NAALADL2: variants seen among roughly 807,000 people sequenced by gnomAD.
NAALADL2 encodes inactive N-acetylated-alpha-linked acidic dipeptidase-like protein 2.
Under a neutral mutation model 87.2 loss-of-function variants are expected in NAALADL2, and 76 were observed. The ratio of observed to expected loss-of-function variants is 0.87; its 90% CI spans 0.72 to 1.05. The LOEUF (loss-of-function observed/expected upper bound fraction) is 1.05, where lower values mean the gene tolerates loss of function less well. Ranked by LOEUF, NAALADL2 falls within the 50% of genes least tolerant of loss-of-function variation. The pLI is 0.00. For missense variants in NAALADL2, 1,089 were observed against 945.8 expected (o/e 1.15, Z -1.99); for synonymous variants, 354 against 331.0 (o/e 1.07, Z -0.75).
chr3:175,134,485 C>T (rs936158531), intron 2 of NAALADL2, among the ~76,000 whole-genome samples: 1 of 152,138 alleles, frequency 6.6e-6, no homozygotes. Flanking sequence ...AAAACAGCTG[C>T]AATGTATTGA....
chr3:175,575,563 G>T (rs1021756237), intron 9 of NAALADL2, among the ~76,000 whole-genome samples: 6 of 151,982 alleles, frequency 3.9e-5, no homozygotes, highest in African/African-American at 1.5e-4. Context: ...GGGATTACAG[G>T]GGTGAGCCAC....
chr3:175,238,377 G>C (rs1442979245), intron 3 of NAALADL2, among the ~76,000 whole-genome samples: 1 of 152,008 alleles, frequency 6.6e-6, no homozygotes. Flanking sequence ...AAATATTAGG[G>C]CTAAACAAAA....
In NAALADL2 at chr3:175,701,423, C is replaced by T. The variant is rs552926871; in HGVS notation, c.1897-35883C>T. 1.4e-4 allele frequency among the ~76,000 whole-genome samples: 22 copies of T among 152,180 alleles called. No homozygotes were observed. In the East Asian group the frequency reaches 1.7e-3, roughly 12 times the overall value. On this transcript the variant is annotated intron_variant, in intron 11 of 13. Coordinates refer to ENST00000454872, the MANE Select transcript of NAALADL2 (RefSeq NM_207015.3). ...CTACTTTTATATGGGATCTGGCCAT[C>T]GTCAATTTGTATATTCAGTGTCTCA...
intron 1 of NAALADL2, among the ~76,000 whole-genome samples, chr3:175,061,554 C>A (rs1713488457): frequency 6.6e-6 from 1 of 151,842 alleles, no homozygotes; most frequent in African/African-American, 2.4e-5. Context: ...CTAGATTGTT[C>A]CATGGATGGG....
At chr3:175,376,955 T>A (rs1204071027) in intron 5 of NAALADL2, among the ~76,000 whole-genome samples, 1 of 152,098 alleles carries the variant, frequency 6.6e-6, no homozygotes, top group Non-Finnish European at 1.5e-5. Flanking sequence ...TTTAGGAGGT[T>A]CATTTGATAT....
chr3:175,730,429 T>TATATAGATATATATATATATATAG (rs1743564654), intron 11 of NAALADL2, among the ~76,000 whole-genome samples: 6 of 87,862 alleles, frequency 6.8e-5, no homozygotes. Flanking sequence ...TATATATATA[T>TATATAGATATATATATATATATAG]ATATATATAT....
Position 175,737,373 on chromosome 3 carries a change from CT to C in NAALADL2, c.1967del (p.Leu656Ter). On this transcript the variant is annotated frameshift_variant, in exon 12 of 14. Coordinates refer to ENST00000454872, the MANE Select transcript of NAALADL2 (RefSeq NM_207015.3). LOFTEE classifies it high-confidence loss of function. ...PVLPFNALDI[A>X]LEVQNNLKGD... Reference sequence around the variant, plus strand: ...CTGCCCTTTAATGCACTTGATATAGCTTTAGAAGTTCAAAACAACCTTAAAG... The same window carrying C: ...CTGCCCTTTAATGCACTTGATATAGCTTAGAAGTTCAAAACAACCTTAAAG... 1 of 1,607,016 alleles carries C rather than the reference CT, an allele frequency of 6.2e-7. No individual in the cohort carries two copies. Among genetic ancestry groups the C allele is most frequent in the Admixed American group, 1.7e-5 (1 of 59,834 alleles).
chr3:175,653,586 G>A (rs558278117), intron 11 of NAALADL2, among the ~76,000 whole-genome samples: 3 of 152,084 alleles, frequency 2.0e-5, no homozygotes, highest in Non-Finnish European at 2.9e-5. Context: ...CCACCTTTTC[G>A]TTTGCCATAT....
intron 13 of NAALADL2, among the ~76,000 whole-genome samples, chr3:175,788,088 GTTTT>G (rs1004422588): frequency 7.7e-5 from 8 of 104,246 alleles, no homozygotes; most frequent in African/African-American, 1.1e-4. Context: ...TTTTTTACCT[GTTTT>G]TTTTTTTTTT....
At chr3:175,592,709 A>G (rs1721687235) in intron 10 of NAALADL2, among the ~76,000 whole-genome samples, 1 of 124,500 alleles carries the variant, frequency 8.0e-6, no homozygotes, top group African/African-American at 3.1e-5. Context: ...TGGACACAGG[A>G]GGGGGAACAT....
intron 2 of NAALADL2, among the ~76,000 whole-genome samples, chr3:175,140,750 A>G (rs1236311570): frequency 6.6e-6 from 1 of 152,160 alleles, no homozygotes; most frequent in Non-Finnish European, 1.5e-5. Flanking sequence ...CCATGTAAAG[A>G]GGTTTGGACT....
At chr3:174,911,479 G>C (rs1197060010) in intron 1 of NAALADL2, among the ~76,000 whole-genome samples, 1 of 152,110 alleles carries the variant, frequency 6.6e-6, no homozygotes, top group Non-Finnish European at 1.5e-5. Flanking sequence ...ATTGCTAGAA[G>C]ATGGATAATG....
upstream of NAALADL2, among the ~76,000 whole-genome samples, chr3:174,857,795 A>G (rs963445190): frequency 2.6e-5 from 4 of 152,098 alleles, no homozygotes; most frequent in African/African-American, 9.7e-5. Flanking sequence ...TGGGTTTTCA[A>G]TGGTCCAGCT....
At chr3:175,633,093 C>A (rs73171430) in intron 11 of NAALADL2, among the ~76,000 whole-genome samples, 2 of 151,906 alleles carry the variant, frequency 1.3e-5, no homozygotes, top group Non-Finnish European at 2.9e-5. Context: ...CAGGATAGAG[C>A]GGTTCATGTA....
intron 5 of NAALADL2, among the ~76,000 whole-genome samples, chr3:175,351,171 A>G (rs547283141): frequency 6.6e-6 from 1 of 152,256 alleles, no homozygotes; most frequent in Non-Finnish European, 1.5e-5. Flanking sequence ...AAATGTAATA[A>G]TTATTGGCTT....
chr3:174,847,116 G>A (rs1458834645), intron 3 of NAALADL2, among the ~76,000 whole-genome samples: 1 of 152,164 alleles, frequency 6.6e-6, no homozygotes, highest in Admixed American at 6.5e-5. Flanking sequence ...ATCCAGAAGA[G>A]AGAAAATACA....
At chr3:174,808,379 A>G (rs1231475309) in intron 3 of NAALADL2, among the ~76,000 whole-genome samples, 1 of 152,158 alleles carries the variant, frequency 6.6e-6, no homozygotes, top group Admixed American at 6.5e-5. Context: ...GGTCAAATGT[A>G]GCAAACAGGA....
chr3:175,503,612 A>G (rs1287171424), intron 9 of NAALADL2, among the ~76,000 whole-genome samples: 1 of 152,136 alleles, frequency 6.6e-6, no homozygotes, highest in Non-Finnish European at 1.5e-5. Context: ...TGACTTCTTA[A>G]TAATAGCCAT....
intron 2 of NAALADL2, among the ~76,000 whole-genome samples, chr3:174,619,186 G>A (rs908724130): frequency 2.0e-5 from 3 of 151,864 alleles, no homozygotes; most frequent in African/African-American, 7.2e-5. Context: ...TCTTGTTACA[G>A]ATGTTTAGTG....
Sources: allele counts gnomAD v4.1 joint callset (sites outside exome capture counted in the v4.1 genomes callset), GRCh38; gene constraint gnomAD v4.1.1; transcripts MANE v1.5; gene names NCBI Gene and HGNC (gene_info 2026-07-23, HGNC 2026-07-21).